RPIA: variants seen among roughly 807,000 people sequenced by gnomAD.
RPIA encodes ribose-5-phosphate isomerase.
RPIA carries 29 observed loss-of-function variants against 37.8 expected under a neutral mutation model. That is an observed-to-expected ratio of 0.77 (90% CI 0.57 to 1.05). The LOEUF (loss-of-function observed/expected upper bound fraction) is 1.05, where lower values mean the gene tolerates loss of function less well. Ranked by LOEUF, RPIA falls within the 50% of genes least tolerant of loss-of-function variation. The pLI is 0.00. For missense variants in RPIA, 385 were observed against 413.6 expected (o/e 0.93, Z 0.60); for synonymous variants, 167 against 157.0 (o/e 1.06, Z -0.48).
intron 1 of RPIA, 124 bp from the exon 2 acceptor site, chr2:88,698,360 C>T (rs908277): frequency 0.29 from 241,308 of 835,494 alleles, 35,989 homozygotes; most frequent in Admixed American, 0.36. Context: ...GGCACAGTAC[C>T]TGTCTTGTAC....
chr2:88,698,574 T>C (rs1364709540), intron 2 of RPIA, 30 bp downstream of exon 2: 12 of 1,599,406 alleles, frequency 7.5e-6, no homozygotes, highest in Non-Finnish European at 9.4e-6. Flanking sequence ...ACTGGATGTT[T>C]TGTGTGTGAT....
chr2:88,696,996 TA>T (rs1197184368), intron 1 of RPIA, among the ~76,000 whole-genome samples: 3 of 152,186 alleles, frequency 2.0e-5, no homozygotes, highest in Non-Finnish European at 4.4e-5. Context: ...TCATATGTAG[TA>T]AAAAAATCTT....
At chr2:88,712,028 G>A (rs1406883380) in intron 3 of RPIA, among the ~76,000 whole-genome samples, 1 of 152,160 alleles carries the variant, frequency 6.6e-6, no homozygotes, top group African/African-American at 2.4e-5. Flanking sequence ...AGTTGTGCCT[G>A]AATTCCAAAG....
At chr2:88,737,050 A>G (rs1432943106) in intron 7 of RPIA, among the ~76,000 whole-genome samples, 2 of 152,168 alleles carry the variant, frequency 1.3e-5, no homozygotes, top group African/African-American at 2.4e-5. Flanking sequence ...TTTAGGTTCC[A>G]TGGTGTAACT....
At chr2:88,713,099 A>AATATATATATATATATATATATAT (rs1553420187) in intron 3 of RPIA, among the ~76,000 whole-genome samples, 1 of 45,590 alleles carries the variant, frequency 2.2e-5, no homozygotes, top group African/African-American at 1.2e-4. Flanking sequence ...TGGATGTCTG[A>AATATATATATATATATATATATAT]ATATATATAT....
chr2:88,691,965 T>C lies in RPIA; in HGVS notation c.267T>C (p.Ala89=). ...CCAAGAAGCTGGCGGGCCGCGCGGC[T>C]GTGGAGAACCACGTGAGGGTGAGCA... ...EEAKKLAGRA[A]VENHVRNNQV... Residue 89 remains alanine (A), a synonymous_variant, in exon 1 of 9, where the codon GCT becomes GCC. Coordinates refer to ENST00000283646, the MANE Select transcript of RPIA (RefSeq NM_144563.3). 1 of 1,590,068 alleles carries C rather than the reference T, an allele frequency of 6.3e-7. No individual in the cohort carries two copies.
At chr2:88,728,862 G>A (rs937040232) in intron 3 of RPIA, among the ~76,000 whole-genome samples, 4 of 151,664 alleles carry the variant, frequency 2.6e-5, no homozygotes, top group South Asian at 2.1e-4. Context: ...AAACCACTCC[G>A]TGTCCATTCA....
chr2:88,693,295 T>G (rs1396946552), intron 1 of RPIA, among the ~76,000 whole-genome samples: 1 of 152,218 alleles, frequency 6.6e-6, no homozygotes, highest in African/African-American at 2.4e-5. Context: ...TTTGATTAAA[T>G]AAAAATCTGC....
chr2:88,743,978 C>CT (rs1673411960), intron 8 of RPIA, among the ~76,000 whole-genome samples: 1 of 151,954 alleles, frequency 6.6e-6, no homozygotes, highest in African/African-American at 2.4e-5. Context: ...TTTCATTTAT[C>CT]TTTTTTGTAT....
chr2:88,706,042 A>T (rs1672893480), intron 3 of RPIA, among the ~76,000 whole-genome samples: 1 of 152,212 alleles, frequency 6.6e-6, no homozygotes, highest in Non-Finnish European at 1.5e-5. Context: ...CGATTATTAA[A>T]AAGTCAAGAA....
intron 3 of RPIA, among the ~76,000 whole-genome samples, chr2:88,710,631 G>A (rs1457753771): frequency 6.6e-6 from 1 of 152,190 alleles, no homozygotes; most frequent in East Asian, 1.9e-4. Context: ...TTTTGGCCAA[G>A]TTAAGCTAAT....
chr2:88,727,103 G>A (rs1250383919), intron 3 of RPIA, among the ~76,000 whole-genome samples: 3 of 151,876 alleles, frequency 2.0e-5, no homozygotes, highest in Non-Finnish European at 2.9e-5. Context: ...GTGTGCGCGC[G>A]CATGTGTGCG....
chr2:88,738,259 C>T (rs1478875418), intron 8 of RPIA, among the ~76,000 whole-genome samples, 183 bp downstream of exon 8: 2 of 152,206 alleles, frequency 1.3e-5, no homozygotes, highest in Non-Finnish European at 2.9e-5. Context: ...CTTCCCCCAA[C>T]AATTGTTGCT....
chr2:88,699,792 G>T (rs1054257930), intron 2 of RPIA, among the ~76,000 whole-genome samples: 1 of 152,162 alleles, frequency 6.6e-6, no homozygotes, highest in Non-Finnish European at 1.5e-5. Flanking sequence ...GCTTTCTGTG[G>T]TCAGTACTTA....
intron 3 of RPIA, among the ~76,000 whole-genome samples, chr2:88,702,572 C>G (rs543716129): frequency 6.6e-6 from 1 of 152,328 alleles, no homozygotes; most frequent in South Asian, 2.1e-4. Context: ...GAGACTTGCT[C>G]ACTACTATGA....
intron 3 of RPIA, among the ~76,000 whole-genome samples, chr2:88,727,098 CGCGCGCATGTGTGCGCGTGCATGTGT>C (rs1673207820): frequency 4.0e-5 from 6 of 148,832 alleles, no homozygotes; most frequent in South Asian, 4.2e-4. Flanking sequence ...TGTGTGTGTG[CGCGCGCATGTGTGCGCGTGCATGTGT>C]GCGCATGCGA....
intron 7 of RPIA, among the ~76,000 whole-genome samples, chr2:88,737,763 C>CCTCT (rs200508688): frequency 6.7e-6 from 1 of 150,196 alleles, no homozygotes; most frequent in African/African-American, 2.5e-5. Context: ...AGGCTTGTAT[C>CCTCT]CTCTCTCTCT....
intron 3 of RPIA, among the ~76,000 whole-genome samples, chr2:88,723,579 C>T (rs1673160361): frequency 6.6e-6 from 1 of 152,076 alleles, no homozygotes. Context: ...TTGGTTTGAG[C>T]CATAAAATTA....
intron 3 of RPIA, among the ~76,000 whole-genome samples, chr2:88,709,224 C>T (rs1317264914): frequency 6.6e-6 from 1 of 152,130 alleles, no homozygotes; most frequent in African/African-American, 2.4e-5. Flanking sequence ...AAGGAGTTCC[C>T]CAAGAGGGAA....
Sources: gnomAD v4.1 joint callset for allele counts (sites outside exome capture counted in the v4.1 genomes callset) on GRCh38, gnomAD v4.1.1 for gene constraint, MANE v1.5 for transcripts, NCBI Gene and HGNC (gene_info 2026-07-23, HGNC 2026-07-21) for gene names.